The following SCMH1 variants were observed in gnomAD, a reference collection of about 807,000 sequenced individuals.
The protein encoded by SCMH1 is polycomb protein SCMH1.
Under a neutral mutation model 70.8 loss-of-function variants are expected in SCMH1, and 37 were observed. That is an observed-to-expected ratio of 0.52 (90% CI 0.40 to 0.69). The LOEUF is 0.69. Among genes scored for constraint, SCMH1 ranks in the 30% least tolerant of loss-of-function variants. The pLI, the probability that SCMH1 is intolerant of heterozygous loss-of-function variation, is 0.00. For synonymous variants in SCMH1, 292 were observed against 307.4 expected, an observed-to-expected ratio of 0.95 and a Z score of 0.52; for missense variants, 607 against 827.3, an observed-to-expected ratio of 0.73 and a Z score of 3.27.
At chr1:41,065,289 G>T (rs1654205216) in intron 10 of SCMH1, among the ~76,000 whole-genome samples, 2 of 152,128 alleles carry the variant, frequency 1.3e-5, no homozygotes, top group Non-Finnish European at 2.9e-5. Context: ...TTGAGACCTG[G>T]GCAACATAGT....
intron 1 of SCMH1, among the ~76,000 whole-genome samples, chr1:41,229,300 A>G (rs1660862520): frequency 1.3e-5 from 2 of 152,210 alleles, no homozygotes; most frequent in African/African-American, 4.8e-5. Flanking sequence ...AAGATTGGCA[A>G]TGCGGCACTA....
intron 8 of SCMH1, among the ~76,000 whole-genome samples, chr1:41,091,644 T>G (rs1272727416): frequency 6.6e-6 from 1 of 152,206 alleles, no homozygotes; most frequent in Admixed American, 6.5e-5. Context: ...CCCCATCATC[T>G]CAGCCCAAAA....
intron 6 of SCMH1, among the ~76,000 whole-genome samples, chr1:41,136,883 T>C (rs1643437545): frequency 6.7e-6 from 1 of 148,364 alleles, no homozygotes; most frequent in Non-Finnish European, 1.5e-5. Context: ...GTGCAAGCAA[T>C]CCTTCTGCTT....
chr1:41,139,180 TC>T (rs1643819802), intron 6 of SCMH1, among the ~76,000 whole-genome samples: 1 of 152,160 alleles, frequency 6.6e-6, no homozygotes, highest in African/African-American at 2.4e-5. Flanking sequence ...CCTTTCCAAT[TC>T]CAATAGTTTG....
chr1:41,237,065 C>T (rs1488184599), intron 1 of SCMH1, among the ~76,000 whole-genome samples: 1 of 152,160 alleles, frequency 6.6e-6, no homozygotes, highest in Non-Finnish European at 1.5e-5. Flanking sequence ...GTACTTTGCA[C>T]TTTATCTTAG....
upstream of SCMH1, chr1:41,242,250 C>T (rs1376770971): frequency 1.4e-5 from 2 of 143,554 alleles, no homozygotes; most frequent in East Asian, 4.1e-4. This position sits in a 1 kb window ranked among gnomAD's most constrained non-coding sequence, Gnocchi z 5.2. Flanking sequence ...CTCCCCCGGC[C>T]CCTCCCCCGC....
At chr1:41,125,471 C>A (rs910459026) in intron 6 of SCMH1, among the ~76,000 whole-genome samples, 2 of 151,958 alleles carry the variant, frequency 1.3e-5, no homozygotes, top group African/African-American at 4.8e-5. Context: ...CTCATCTCGG[C>A]CTCCCAAAGT....
intron 2 of SCMH1, among the ~76,000 whole-genome samples, chr1:41,179,304 A>T (rs1318574010): frequency 6.8e-6 from 1 of 147,122 alleles, no homozygotes; most frequent in Admixed American, 6.8e-5. Flanking sequence ...AAATTAAAAG[A>T]ACTAGAGAAA....
intron 5 of SCMH1, among the ~76,000 whole-genome samples, chr1:41,150,149 A>AC (rs746881160): frequency 1.3e-5 from 2 of 152,074 alleles, no homozygotes; most frequent in Non-Finnish European, 2.9e-5. Flanking sequence ...AGGTAGCTCA[A>AC]CTCATTTGTT....
chr1:41,051,251 C>G lies in SCMH1; in HGVS notation c.1106-2361G>C, dbSNP rs1375494428. Among the ~76,000 whole-genome samples, 4 of 152,182 alleles carry G rather than the reference C, an allele frequency of 2.6e-5. No homozygotes were observed. In the East Asian group the frequency reaches 5.8e-4, roughly 22 times the overall value. On this transcript the variant is annotated intron_variant, in intron 10 of 14. Transcript: ENST00000337495. The stretch of plus-strand genomic sequence containing the variant: ...CATTACTCATGTGTTTGTGAGGAAG[C>G]TGGTGTAAACAAACCTACTACACTG...
At chr1:41,062,959 T>G (rs570789617) in intron 10 of SCMH1, among the ~76,000 whole-genome samples, 227 of 142,832 alleles carry the variant, frequency 1.6e-3, no homozygotes, top group African/African-American at 5.5e-3. Context: ...AAAATGAAAA[T>G]AAAACTTATC....
chr1:41,159,845 A>G, intron 4 of SCMH1: 1 of 1,343,124 alleles, frequency 7.4e-7, no homozygotes, highest in Non-Finnish European at 9.6e-7. Flanking sequence ...ACAGAATGAA[A>G]ATCATAATAA....
chr1:41,133,503 G>T (rs1370429978), intron 6 of SCMH1, among the ~76,000 whole-genome samples: 1 of 151,986 alleles, frequency 6.6e-6, no homozygotes, highest in Admixed American at 6.6e-5. Flanking sequence ...CCAGGAACTG[G>T]TTTTTTTGAA....
chr1:41,202,376 A>T (rs1211128562), intron 1 of SCMH1, among the ~76,000 whole-genome samples: 1 of 151,908 alleles, frequency 6.6e-6, no homozygotes, highest in African/African-American at 2.4e-5. Context: ...TTAGAACACA[A>T]GATGCCTTCC....
At chr1:41,040,694 G>A (rs1320378289) in intron 12 of SCMH1, among the ~76,000 whole-genome samples, 2 of 152,038 alleles carry the variant, frequency 1.3e-5, no homozygotes, top group South Asian at 2.1e-4. Context: ...GAGAAACCCC[G>A]TCTCTACTAA....
rs572704904 is a variant in SCMH1, at chr1:41,091,235, G to A, written c.746-15784C>T. ...GGGATGCAAGGCTGGTTCAACATAC[G>A]CAAATCAACAAACGTAATCCATCAT... On this transcript the variant is annotated intron_variant, in intron 8 of 14. Coordinates refer to ENST00000337495, the Ensembl canonical transcript of SCMH1. 3.9e-5 allele frequency among the ~76,000 whole-genome samples: 6 copies of A among 152,166 alleles called. No homozygotes were observed. In the East Asian group the frequency reaches 7.7e-4, roughly 20 times the overall value.
chr1:41,210,273 G>GC (rs35313003), intron 1 of SCMH1, among the ~76,000 whole-genome samples: 54,067 of 151,920 alleles, frequency 0.36, 10,972 homozygotes, highest in Admixed American at 0.5. Context: ...CGTGAAAATG[G>GC]CACATTGCCC....
At chr1:41,060,170 G>C (rs1309396894) in intron 10 of SCMH1, among the ~76,000 whole-genome samples, 1 of 151,910 alleles carries the variant, frequency 6.6e-6, no homozygotes, top group African/African-American at 2.4e-5. Context: ...CCAAATCCCA[G>C]ATTCAGGAAG....
chr1:41,209,765 G>A (rs1385775257), intron 1 of SCMH1, among the ~76,000 whole-genome samples: 1 of 152,216 alleles, frequency 6.6e-6, no homozygotes, highest in Non-Finnish European at 1.5e-5. Flanking sequence ...ATATCATACT[G>A]AATGGGCCAA....
Sources: allele counts gnomAD v4.1 joint callset (sites outside exome capture counted in the v4.1 genomes callset), GRCh38; gene constraint gnomAD v4.1.1; non-coding constraint Gnocchi (gnomAD v3.1); transcripts MANE v1.5; gene names NCBI Gene and HGNC (gene_info 2026-07-23, HGNC 2026-07-21).